NOL4L: variants seen among roughly 807,000 people sequenced by gnomAD.
NOL4L encodes nucleolar protein 4 like.
A neutral mutation model predicts 64.5 loss-of-function variants in NOL4L; 7 were observed. That is an observed-to-expected ratio of 0.11 (90% CI 0.06 to 0.20). The LOEUF is 0.20. Among genes scored for constraint, NOL4L ranks in the 10% least tolerant of loss-of-function variants. The pLI is 1.00. For missense variants in NOL4L, 680 were observed against 967.1 expected (o/e 0.70, Z 3.94); for synonymous variants, 413 against 401.0 (o/e 1.03, Z -0.36).
Position 32,444,425 on chromosome 20 carries a change from A to G in NOL4L, c.*3171T>C, listed in dbSNP as rs1384458579. The G allele has an allele frequency of 6.6e-6, 1 of 152,226 alleles. No individual in the cohort carries two copies. The highest frequency in any genetic ancestry group is 1.5e-5 in the Non-Finnish European group (1 of 68,034). The allele number at this position is 152,226 out of a possible 1,614,324, so 9.4% of individuals were successfully genotyped here. A position where few individuals can be genotyped will look rare whatever the true frequency, so the allele number is the denominator to read the frequency against. ...AAAATGAACTGGTAGTTAATCCTGT[A>G]ACCACCCTTAGAGTTGTAAGTGGCC... On this transcript the variant is annotated 3_prime_UTR_variant, in exon 11 of 11. Coordinates refer to ENST00000621426, the MANE Select transcript of NOL4L (RefSeq NM_001256798.2).
chr20:32,446,814 GACCA>G lies in NOL4L; in HGVS notation c.*778_*781del. ...CTGGAGTGTGAGGTAGAATACAGGT[GACCA>G]TGGACTGGGGCTTCTGTAGAATGGG... is the stretch of plus-strand genomic sequence containing the variant. On this transcript the variant is annotated 3_prime_UTR_variant, in exon 11 of 11. Coordinates refer to ENST00000621426, the MANE Select transcript of NOL4L (RefSeq NM_001256798.2). 5.0e-6 allele frequency: 1 copy of G among 201,348 alleles called. No homozygotes were observed. The highest frequency in any genetic ancestry group is 1.0e-5 in the Non-Finnish European group (1 of 97,956). The allele number at this position is 201,348 out of a possible 1,614,324, so 12.5% of individuals were successfully genotyped here.
chr20:32,452,828 C>T, intron 9 of NOL4L, 56 bp downstream of exon 9: 1 of 1,605,772 alleles, frequency 6.2e-7, no homozygotes, highest in Non-Finnish European at 8.5e-7. Flanking sequence ...CCATATAAGG[C>T]CTGCCCTCCC....
chr20:32,488,759 CTT>C (rs2016217832), intron 4 of NOL4L, among the ~76,000 whole-genome samples: 1 of 52,818 alleles, frequency 1.9e-5, no homozygotes, highest in African/African-American at 1.4e-4. Context: ...TCCTTCCTTC[CTT>C]CCTTCCTTCC....
At chr20:32,550,223 T>C (rs542303356) in intron 1 of NOL4L, among the ~76,000 whole-genome samples, 31 of 152,344 alleles carry the variant, frequency 2.0e-4, no homozygotes, top group African/African-American at 6.7e-4. Context: ...CTGAATACTG[T>C]AGACTATTGT....
chr20:32,464,182 G>A lies in NOL4L; in HGVS notation c.842-7787C>T, dbSNP rs1358573227. Among the ~76,000 whole-genome samples the A allele has an allele frequency of 1.3e-5, 2 of 152,194 alleles. No homozygotes were observed. Among genetic ancestry groups the A allele is most frequent in the Non-Finnish European group, 2.9e-5 (2 of 68,030 alleles). Reference sequence around the variant, plus strand: ...TGACCCTGCTCTGAATTTGAGGCGTGCACCTCCCCAGGACTGGCCCCCTGC... The same window carrying A: ...TGACCCTGCTCTGAATTTGAGGCGTACACCTCCCCAGGACTGGCCCCCTGC... On this transcript the variant is annotated intron_variant, in intron 5 of 10. Coordinates refer to ENST00000621426, the MANE Select transcript of NOL4L (RefSeq NM_001256798.2). This position sits in a 1 kb window ranked among gnomAD's most constrained non-coding sequence, Gnocchi z 5.6.
At chr20:32,577,199 T>C (rs1411615595) in intron 1 of NOL4L, among the ~76,000 whole-genome samples, 1 of 152,150 alleles carries the variant, frequency 6.6e-6, no homozygotes, top group Admixed American at 6.5e-5. Context: ...AGGGAGGCAG[T>C]CATTACGCCA....
chr20:32,555,870 G>A (rs1312254980), intron 1 of NOL4L, among the ~76,000 whole-genome samples: 7 of 152,064 alleles, frequency 4.6e-5, no homozygotes, highest in Admixed American at 1.3e-4. Flanking sequence ...ACTCTGTCAC[G>A]GCAGCCCCAG....
Position 32,520,701 on chromosome 20 carries a change from C to A in NOL4L, c.589+110G>T, listed in dbSNP as rs914487946. 2.4e-5 allele frequency: 15 copies of A among 633,358 alleles called. No homozygotes were observed. The Admixed American group carries it at 4.6e-4, about 19-fold the overall frequency. The allele number at this position is 633,358 out of a possible 1,614,324, so 39.2% of individuals were successfully genotyped here. A position where few individuals can be genotyped will look rare whatever the true frequency, so the allele number is the denominator to read the frequency against. On this transcript the variant is annotated intron_variant, in intron 3 of 10. Coordinates refer to ENST00000621426, the MANE Select transcript of NOL4L (RefSeq NM_001256798.2). ...GACCCATACTGGCCTCTGGGACTAGCAACAACAGCTGCTGGACACTTTTCT... is the reference window on the plus strand; with the variant it reads ...GACCCATACTGGCCTCTGGGACTAGAAACAACAGCTGCTGGACACTTTTCT...
chr20:32,513,839 C>G (rs1317826720), intron 3 of NOL4L, among the ~76,000 whole-genome samples: 2 of 152,072 alleles, frequency 1.3e-5, no homozygotes, highest in Non-Finnish European at 1.5e-5. Context: ...GAGACTGTGT[C>G]TCAACAACAA....
At chr20:32,461,484 G>GTGA (rs1373124747) in intron 5 of NOL4L, among the ~76,000 whole-genome samples, 1 of 144,902 alleles carries the variant, frequency 6.9e-6, no homozygotes, top group Non-Finnish European at 1.5e-5. Flanking sequence ...GTACGGTGGC[G>GTGA]TGATCTCGGC....
chr20:32,557,097 T>C (rs748718608), intron 1 of NOL4L, among the ~76,000 whole-genome samples: 3 of 152,186 alleles, frequency 2.0e-5, no homozygotes, highest in Non-Finnish European at 4.4e-5. Flanking sequence ...TATGTGTGGG[T>C]TGAAACAACG....
At chr20:32,538,299 C>T (rs1715526314) in intron 1 of NOL4L, among the ~76,000 whole-genome samples, 1 of 152,190 alleles carries the variant, frequency 6.6e-6, no homozygotes, top group Admixed American at 6.5e-5. Context: ...CCCCCACCCA[C>T]AATCAGGCCC....
At position 32,542,364 on chromosome 20, in the gene NOL4L, T is replaced by A. The variant is rs114090804; in HGVS notation, c.322-14451A>T. The stretch of plus-strand genomic sequence containing the variant: ...CCTACTCCACTTCTTTTTAAAAAAA[T>A]TTTTTTTGAGACAGGGTCTCGCTGT... On this transcript the variant is annotated intron_variant, in intron 1 of 10. Coordinates refer to ENST00000621426, the MANE Select transcript of NOL4L (RefSeq NM_001256798.2). Among the ~76,000 whole-genome samples the A allele has an allele frequency of 9.2e-3, 1,398 of 152,052 alleles. 20 individuals are homozygous for A. The highest frequency in any genetic ancestry group is 0.032 in the African/African-American group (1,311 of 41,434).
chr20:32,567,667 G>A (rs551383240), intron 1 of NOL4L, among the ~76,000 whole-genome samples: 1 of 152,328 alleles, frequency 6.6e-6, no homozygotes, highest in South Asian at 2.1e-4. Context: ...GCTGCCCTTT[G>A]CTCACAGGGG....
At chr20:32,526,648 C>CATA (rs1459795849) in intron 2 of NOL4L, among the ~76,000 whole-genome samples, 7 of 152,288 alleles carry the variant, frequency 4.6e-5, no homozygotes, top group African/African-American at 1.7e-4. Context: ...CACAGAAGGG[C>CATA]ATATCTCTAG....
chr20:32,486,351 G>A (rs764239620), intron 4 of NOL4L, among the ~76,000 whole-genome samples: 4 of 152,334 alleles, frequency 2.6e-5, no homozygotes, highest in Admixed American at 6.5e-5. Context: ...CCCCAGCCTG[G>A]TAGGAGACCA....
intron 4 of NOL4L, among the ~76,000 whole-genome samples, chr20:32,485,057 C>CA (rs2015999293): frequency 1.1e-4 from 2 of 18,444 alleles, no homozygotes; most frequent in African/African-American, 4.0e-4. Context: ...GGGGAAATTG[C>CA]CAAAAAAAAA....
chr20:32,529,144 T>G (rs956463665), intron 1 of NOL4L, among the ~76,000 whole-genome samples: 11 of 152,292 alleles, frequency 7.2e-5, no homozygotes, highest in Non-Finnish European at 1.3e-4. Context: ...TCTGCCATGG[T>G]TTGAATACGG....
intron 4 of NOL4L, among the ~76,000 whole-genome samples, chr20:32,483,154 C>G (rs2015848582): frequency 6.7e-6 from 1 of 150,330 alleles, no homozygotes; most frequent in African/African-American, 2.4e-5. Flanking sequence ...CCCCAGCCCA[C>G]TCGGCCCAGG....
Sources: gnomAD v4.1 joint callset for allele counts (sites outside exome capture counted in the v4.1 genomes callset) on GRCh38, gnomAD v4.1.1 for gene constraint, Gnocchi (gnomAD v3.1) non-coding constraint, MANE v1.5 for transcripts, NCBI Gene and HGNC (gene_info 2026-07-23, HGNC 2026-07-21) for gene names.